Variants in TOX4 observed in about 807,000 individuals in gnomAD.
TOX4 encodes the protein epidermal Langerhans cell protein LCP1.
Under a neutral mutation model 61.0 loss-of-function variants are expected in TOX4, and 12 were observed. The ratio of observed to expected loss-of-function variants is 0.20; its 90% confidence interval spans 0.13 to 0.32. TOX4 has a LOEUF of 0.32. Ranked by LOEUF, TOX4 falls within the 10% of genes least tolerant of loss-of-function variation. The pLI, the probability that TOX4 is intolerant of heterozygous loss-of-function variation, is 1.00. For synonymous variants in TOX4, 268 were observed against 274.8 expected (o/e 0.98, Z 0.24); for missense variants, 499 against 753.3 (o/e 0.66, Z 3.95).
intron 2 of TOX4, among the ~76,000 whole-genome samples, chr14:21,478,537 C>T (rs1420352621): frequency 2.0e-5 from 3 of 152,158 alleles, no homozygotes; most frequent in African/African-American, 7.2e-5. Context: ...GAAATATTGT[C>T]ATAATATAGA....
chr14:21,482,713 G>A, intron 2 of TOX4: 1 of 357,694 alleles, frequency 2.8e-6, no homozygotes, highest in South Asian at 2.3e-5. Context: ...ACAGTCTAGA[G>A]TGTGATCTGG....
rs899600691 is a variant in TOX4 at position 21,498,001 on chromosome 14, G to A, written c.*1395G>A. The A allele has an allele frequency of 5.1e-5, 22 of 434,670 alleles. No individual in the cohort carries two copies. Among genetic ancestry groups the A allele is most frequent in the Non-Finnish European group, 7.5e-5 (18 of 240,686 alleles). 26.9% of individuals were successfully genotyped at this position (434,670 alleles called of 1,614,324 possible). A position where few individuals can be genotyped will look rare whatever the true frequency, so the allele number is the denominator to read the frequency against. ...CCTAGCCTATAATGATCATTTTAAT[G>A]TTTCCCATGCACTCATTTAGTTTGA... On this transcript the variant is annotated 3_prime_UTR_variant, in exon 9 of 9. Transcript: ENST00000448790.
At chr14:21,492,416 G>C in intron 6 of TOX4, 40 bp downstream of exon 6, 3 of 1,610,738 alleles carry the variant, frequency 1.9e-6, no homozygotes, top group African/African-American at 1.3e-5. Flanking sequence ...AAACCAGTAA[G>C]AAGTTTTTTG....
chr14:21,490,321 A>G (rs1273639005), intron 5 of TOX4, among the ~76,000 whole-genome samples: 1 of 151,290 alleles, frequency 6.6e-6, no homozygotes, highest in East Asian at 2.0e-4. Context: ...CTAAAAATAC[A>G]AAAAAATTAG....
At chr14:21,481,103 T>C (rs1891100266) in intron 2 of TOX4, among the ~76,000 whole-genome samples, 2 of 151,812 alleles carry the variant, frequency 1.3e-5, no homozygotes, top group Non-Finnish European at 2.9e-5. Context: ...AAAAATAAAA[T>C]AAAAGGAGGC....
At chr14:21,494,808 A>G (rs1335603873) in intron 7 of TOX4, among the ~76,000 whole-genome samples, 2 of 151,898 alleles carry the variant, frequency 1.3e-5, no homozygotes, top group African/African-American at 4.8e-5. Context: ...AATCCCAGCT[A>G]CTTGGGAGGC....
At position 21,498,186 on chromosome 14, in the gene TOX4, T is replaced by C. The variant is rs1156874644; in HGVS notation, c.*1580T>C. Reference sequence around the variant, plus strand: ...ATTTAAATAAAGAAGAAAGCTATTGTACAAATATCACTCTTCAGGTTTAGC... The same window carrying C: ...ATTTAAATAAAGAAGAAAGCTATTGCACAAATATCACTCTTCAGGTTTAGC... On this transcript the variant is annotated 3_prime_UTR_variant, in exon 9 of 9. Transcript: ENST00000448790. 3 of 892,906 alleles carry C rather than the reference T, an allele frequency of 3.4e-6. No individual in the cohort carries two copies. In the South Asian group the frequency reaches 4.2e-5, roughly 12 times the overall value. 55.3% of individuals were successfully genotyped at this position (892,906 alleles called of 1,614,324 possible). A position where few individuals can be genotyped will look rare whatever the true frequency, so the allele number is the denominator to read the frequency against.
rs774134967 is a variant in TOX4 at position 21,492,878 on chromosome 14, G to A, written c.1262G>A (p.Arg421Gln). Residue 421 changes from arginine (R) to glutamine (Q), a missense_variant, in exon 7 of 9, where the codon CGG becomes CAG. Arg to Gln is a conservative substitution (Grantham distance 43). Around this residue, in one of 7 missense-constraint regions of TOX4, gnomAD observed 296 missense variants for 404.7 expected, o/e 0.73. Transcript: ENST00000448790. ...AGTCAACAAGCCCAGATTGTCACTC[G>A]GTCAGTGTTGCAGGCAGCAGCAGCT... ...QPSQQAQIVT[R>Q]SVLQAAAAAA... The A allele has an allele frequency of 1.9e-5, 31 of 1,611,924 alleles. No individual in the cohort carries two copies. Among genetic ancestry groups the A allele is most frequent in the Middle Eastern group, 3.3e-4 (2 of 6,052 alleles).
In TOX4 at chr14:21,486,229, GA is replaced by G. The variant is rs1232103749; in HGVS notation, c.76-1211del. Among the ~76,000 whole-genome samples, 61 of 97,468 alleles carry G rather than the reference GA, an allele frequency of 6.3e-4. 18 individuals are homozygous for G. Among genetic ancestry groups the G allele is most frequent in the Admixed American group, 2.0e-3 (22 of 10,936 alleles). 63.9% of individuals were successfully genotyped at this position (97,468 alleles called of 152,430 possible). A position where few individuals can be genotyped will look rare whatever the true frequency, so the allele number is the denominator to read the frequency against. The stretch of plus-strand genomic sequence containing the variant: ...TTTAAAGAATGCATTGTTCAATTAT[GA>G]AAAAAAAAAATGTTGGTACCTATTG... On this transcript the variant is annotated intron_variant, in intron 2 of 8. Coordinates refer to ENST00000448790, the MANE Select transcript of TOX4 (RefSeq NM_014828.4).
At position 21,493,341 on chromosome 14, in the gene TOX4, C is replaced by T. The variant is rs1891335236; in HGVS notation, c.1641+84C>T. The T allele has an allele frequency of 5.4e-6, 8 of 1,469,328 alleles. No individual in the cohort carries two copies. In the East Asian group the frequency reaches 1.9e-4, roughly 34 times the overall value. 91.0% of individuals were successfully genotyped at this position (1,469,328 alleles called of 1,614,324 possible). A position where few individuals can be genotyped will look rare whatever the true frequency, so the allele number is the denominator to read the frequency against. ...GACCCAATAACAGTGGGGGTTGCTA[C>T]TAGCATTTAATGCCCAGCAACCAGG... On this transcript the variant is annotated intron_variant, in intron 7 of 8. Transcript: ENST00000448790.
In TOX4 at chr14:21,487,538, G is replaced by A; in HGVS notation, c.163G>A (p.Val55Met). ...TGATCCCTCATTGGCTGTCTCAGAT[G>A]TGGTTGGCCACTTTGATGACCTGGC... ...DSDPSLAVSDVVGHFDDLADP... is the reference protein window; with the variant it reads ...DSDPSLAVSDMVGHFDDLADP... The change falls in exon 3 of 9, where the codon GTG becomes ATG. Residue 55 changes from valine to methionine, a missense_variant. Around this residue, in one of 7 missense-constraint regions of TOX4, gnomAD observed 90 missense variants for 109.5 expected, o/e 0.82. Coordinates refer to ENST00000448790, the MANE Select transcript of TOX4 (RefSeq NM_014828.4). 1 of 1,614,182 alleles carries A rather than the reference G, an allele frequency of 6.2e-7. No homozygotes were observed. Among genetic ancestry groups the A allele is most frequent in the African/African-American group, 1.3e-5 (1 of 75,046 alleles).
chr14:21,479,149 A>C (rs1891065659), intron 2 of TOX4, among the ~76,000 whole-genome samples: 1 of 137,268 alleles, frequency 7.3e-6, no homozygotes, highest in Non-Finnish European at 1.6e-5. Flanking sequence ...TATTATTCTC[A>C]TAAGCAGGAT....
At chr14:21,492,254 A>G in intron 5 of TOX4, 42 bp from the exon 6 acceptor site, 1 of 1,516,168 alleles carries the variant, frequency 6.6e-7, no homozygotes, top group Admixed American at 1.9e-5. Context: ...TCCTAAGAGT[A>G]TGGGGAGTTT....
chr14:21,479,693 T>C (rs1016208196), intron 2 of TOX4, among the ~76,000 whole-genome samples: 1 of 152,160 alleles, frequency 6.6e-6, no homozygotes, highest in Non-Finnish European at 1.5e-5. Context: ...TGCTTTGCAC[T>C]CTTAGTTGCC....
At chr14:21,478,104 T>A (rs1891036378) in intron 2 of TOX4, among the ~76,000 whole-genome samples, 1 of 152,294 alleles carries the variant, frequency 6.6e-6, no homozygotes, top group Non-Finnish European at 1.5e-5. Context: ...GCTCGGCTAA[T>A]TTTTGTATAT....
intron 2 of TOX4, among the ~76,000 whole-genome samples, chr14:21,479,388 T>C (rs916480472): frequency 5.9e-5 from 9 of 151,646 alleles, no homozygotes; most frequent in African/African-American, 1.5e-4. Flanking sequence ...CGGTGGCTCA[T>C]GCCTGTAATC....
rs1396746230 is a variant in TOX4, at chr14:21,496,969, C to T, written c.*363C>T. 8 of 199,710 alleles carry T rather than the reference C, an allele frequency of 4.0e-5. No individual in the cohort carries two copies. Among genetic ancestry groups the T allele is most frequent in the African/African-American group, 1.9e-4 (8 of 42,776 alleles). The allele number at this position is 199,710 out of a possible 1,614,324, so 12.4% of individuals were successfully genotyped here. Reference sequence around the variant, plus strand: ...ATTAAAATTACGGGAGTGTACTCAGCTTTGAGCCTAGGAGAAAATGCCACT... The same window carrying T: ...ATTAAAATTACGGGAGTGTACTCAGTTTTGAGCCTAGGAGAAAATGCCACT... On this transcript the variant is annotated 3_prime_UTR_variant, in exon 9 of 9. Transcript: ENST00000448790.
chr14:21,477,610 G>T lies in TOX4; in HGVS notation c.75+46G>T, dbSNP rs531535212. 5 of 1,603,528 alleles carry T rather than the reference G, an allele frequency of 3.1e-6. No individual in the cohort carries two copies. The African/African-American group carries it at 5.4e-5, about 17-fold the overall frequency. On this transcript the variant is annotated intron_variant, in intron 2 of 8. Coordinates refer to ENST00000448790, the MANE Select transcript of TOX4 (RefSeq NM_014828.4). The stretch of plus-strand genomic sequence containing the variant: ...CCGCGGGGGTAGGGCCTGAGGCAGC[G>T]GTGGGGTAGGGTAGTGGGGAGGAGA...
Position 21,497,480 on chromosome 14 carries a change from A to C in TOX4, c.*874A>C, listed in dbSNP as rs1891426823. On this transcript the variant is annotated 3_prime_UTR_variant, in exon 9 of 9. Coordinates refer to ENST00000448790, the MANE Select transcript of TOX4 (RefSeq NM_014828.4). ...ACCTCCTCCTCAACCAGCTACGTAC[A>C]TAGTTTTATCCTATGCATTCCTGTT... The C allele has an allele frequency of 1.3e-5, 2 of 150,438 alleles. No homozygotes were observed. Among genetic ancestry groups the C allele is most frequent in the Admixed American group, 1.3e-4 (2 of 15,058 alleles). 9.3% of individuals were successfully genotyped at this position (150,438 alleles called of 1,614,324 possible).
Sources: allele counts gnomAD v4.1 joint callset (sites outside exome capture counted in the v4.1 genomes callset), GRCh38; gene constraint gnomAD v4.1.1; regional missense constraint gnomAD v4.1.1; transcripts MANE v1.5; gene names NCBI Gene and HGNC (gene_info 2026-07-23, HGNC 2026-07-21).